The following C8orf34 variants were observed in gnomAD, a reference collection of about 807,000 sequenced individuals.
The protein encoded by C8orf34 is chromosome 8 open reading frame 34, also known as uncharacterized protein C8orf34.
In C8orf34, 65 loss-of-function variants were observed where a neutral mutation model predicts 68.3. That is an observed-to-expected ratio of 0.95 (90% CI 0.78 to 1.17). The LOEUF is 1.17. Among genes scored for constraint, C8orf34 ranks in the 50% most tolerant of loss-of-function variants. The pLI is 0.00. For synonymous variants in C8orf34, 244 were observed against 241.2 expected (o/e 1.01, Z -0.11); for missense variants, 664 against 655.4 (o/e 1.01, Z -0.14).
intron 12 of C8orf34, among the ~76,000 whole-genome samples, chr8:68,814,399 G>A (rs1289100020): frequency 6.6e-6 from 1 of 152,100 alleles, no homozygotes; most frequent in East Asian, 1.9e-4. Flanking sequence ...TAATGTCTTT[G>A]GGTGGCAAAG....
intron 7 of C8orf34, among the ~76,000 whole-genome samples, chr8:68,573,141 T>G (rs1193688624): frequency 6.6e-6 from 1 of 152,110 alleles, no homozygotes; most frequent in African/African-American, 2.4e-5. Context: ...TGATTTTGGG[T>G]CTTTACCCTC....
intron 1 of C8orf34, among the ~76,000 whole-genome samples, chr8:68,346,036 T>C (rs1806268220): frequency 6.6e-6 from 1 of 152,092 alleles, no homozygotes; most frequent in Non-Finnish European, 1.5e-5. Flanking sequence ...GTTAACATTG[T>C]CCTATGTTGG....
At chr8:68,636,153 G>C (rs554982150) in intron 7 of C8orf34, among the ~76,000 whole-genome samples, 9 of 152,228 alleles carry the variant, frequency 5.9e-5, no homozygotes, top group African/African-American at 2.2e-4. Context: ...TTTTGGGAGT[G>C]CATTTGGCTT....
intron 7 of C8orf34, among the ~76,000 whole-genome samples, chr8:68,606,860 T>C (rs949126099): frequency 6.6e-6 from 1 of 152,138 alleles, no homozygotes; most frequent in Non-Finnish European, 1.5e-5. Context: ...TATTTTTGGT[T>C]GGATTTTCCT....
At chr8:68,412,955 A>G (rs1477066905) in intron 1 of C8orf34, among the ~76,000 whole-genome samples, 1 of 152,174 alleles carries the variant, frequency 6.6e-6, no homozygotes, top group East Asian at 1.9e-4. Context: ...CAGTCATTAT[A>G]ATAGCTTCCT....
rs1824898630 is a variant in C8orf34 at position 68,818,932 on chromosome 8, T to A, written c.*686T>A. Reference sequence around the variant, plus strand: ...CAATTATTGAACCCAATTAAGATGATCCATTTTAAATTTAATATATGCTCG... The same window carrying A: ...CAATTATTGAACCCAATTAAGATGAACCATTTTAAATTTAATATATGCTCG... On this transcript the variant is annotated 3_prime_UTR_variant, in exon 14 of 14. Coordinates refer to ENST00000518698, the MANE Select transcript of C8orf34 (RefSeq NM_052958.4). 1.3e-5 allele frequency: 2 copies of A among 152,240 alleles called. No homozygotes were observed. The highest frequency in any genetic ancestry group is 4.8e-5 in the African/African-American group (2 of 41,548). The allele number at this position is 152,240 out of a possible 1,614,324, so 9.4% of individuals were successfully genotyped here.
At chr8:68,701,847 G>A (rs1345122807) in intron 8 of C8orf34, among the ~76,000 whole-genome samples, 1 of 151,770 alleles carries the variant, frequency 6.6e-6, no homozygotes, top group Non-Finnish European at 1.5e-5. Flanking sequence ...CCGGTCATTG[G>A]CCTCCATATA....
chr8:68,516,302 C>A (rs1443229364), intron 5 of C8orf34, among the ~76,000 whole-genome samples: 1 of 152,124 alleles, frequency 6.6e-6, no homozygotes, highest in Non-Finnish European at 1.5e-5. Context: ...CACATCTTTT[C>A]GTGTTTATTT....
At chr8:68,505,643 A>G (rs1813980186) in intron 5 of C8orf34, among the ~76,000 whole-genome samples, 1 of 120,616 alleles carries the variant, frequency 8.3e-6, no homozygotes, top group African/African-American at 4.6e-5. Flanking sequence ...AGGCAGGAGA[A>G]TGGCGTGAAC....
chr8:68,338,719 T>C (rs548898658), intron 1 of C8orf34, among the ~76,000 whole-genome samples: 1 of 152,304 alleles, frequency 6.6e-6, no homozygotes, highest in South Asian at 2.1e-4. Context: ...TCATTTTTCT[T>C]ATGTAAATAC....
At chr8:68,686,066 C>T (rs566110477) in intron 8 of C8orf34, among the ~76,000 whole-genome samples, 64 of 151,942 alleles carry the variant, frequency 4.2e-4, no homozygotes, top group Admixed American at 2.2e-3. Flanking sequence ...AAACATACAA[C>T]CCTCCTAGAT....
At chr8:68,643,482 T>C (rs1434931) in intron 8 of C8orf34, among the ~76,000 whole-genome samples, 24,596 of 152,154 alleles carry the variant, frequency 0.16, 2,050 homozygotes, top group Admixed American at 0.22. Flanking sequence ...TACCAAAAAC[T>C]GTGTCTTATA....
At chr8:68,439,938 A>C (rs894655138) in intron 2 of C8orf34, among the ~76,000 whole-genome samples, 1 of 152,172 alleles carries the variant, frequency 6.6e-6, no homozygotes, top group Non-Finnish European at 1.5e-5. Context: ...GTTATCCTAA[A>C]CTTATTTTTT....
chr8:68,626,377 G>T (rs1818538668), intron 7 of C8orf34, among the ~76,000 whole-genome samples: 1 of 152,130 alleles, frequency 6.6e-6, no homozygotes, highest in Non-Finnish European at 1.5e-5. Flanking sequence ...TTAGTTTTGT[G>T]CATTTGTGTT....
At chr8:68,441,991 G>A (rs1231435573) in intron 2 of C8orf34, among the ~76,000 whole-genome samples, 2 of 152,108 alleles carry the variant, frequency 1.3e-5, no homozygotes, top group Admixed American at 6.6e-5. Flanking sequence ...CTTTGGGGAT[G>A]GGTCAAAGCA....
At chr8:68,442,515 C>A (rs550057861) in intron 2 of C8orf34, among the ~76,000 whole-genome samples, 9 of 152,118 alleles carry the variant, frequency 5.9e-5, no homozygotes, top group Admixed American at 3.3e-4. Flanking sequence ...TGTGAGCAAA[C>A]TGCAGGTGAT....
intron 11 of C8orf34, among the ~76,000 whole-genome samples, chr8:68,785,959 G>A (rs1476132992): frequency 1.3e-5 from 2 of 152,150 alleles, no homozygotes; most frequent in Non-Finnish European, 2.9e-5. Flanking sequence ...ATCTCATAAA[G>A]GAACTGTTTT....
At chr8:68,415,135 A>G (rs1202758290) in intron 1 of C8orf34, among the ~76,000 whole-genome samples, 1 of 152,204 alleles carries the variant, frequency 6.6e-6, no homozygotes, top group African/African-American at 2.4e-5. Flanking sequence ...CAGAAGCCAC[A>G]GGAATCATGT....
At chr8:68,495,442 A>G (rs1036709487) in intron 5 of C8orf34, among the ~76,000 whole-genome samples, 9 of 152,162 alleles carry the variant, frequency 5.9e-5, no homozygotes, top group Non-Finnish European at 1.2e-4. Flanking sequence ...TGCTTGCATT[A>G]TCTCATTTAG....
Sources: gnomAD v4.1 joint callset for allele counts (sites outside exome capture counted in the v4.1 genomes callset) on GRCh38, gnomAD v4.1.1 for gene constraint, MANE v1.5 for transcripts, NCBI Gene and HGNC (gene_info 2026-07-23, HGNC 2026-07-21) for gene names.